Variants in STARD9 observed in about 807,000 individuals in gnomAD.
STARD9 encodes the protein stAR-related lipid transfer protein 9.
In STARD9, 346 loss-of-function variants were observed where a neutral mutation model predicts 399.8. That is an observed-to-expected ratio of 0.87 (90% CI 0.79 to 0.95). The LOEUF (loss-of-function observed/expected upper bound fraction) is 0.95, where lower values mean the gene tolerates loss of function less well. STARD9 is among the 40% of genes least tolerant of loss of function. STARD9 has a pLI of 0.00. For missense variants in STARD9, 5,832 were observed against 5,667.5 expected (o/e 1.03, Z -0.93); for synonymous variants, 2,203 against 2,143.5 (o/e 1.03, Z -0.77).
intron 19 of STARD9, 49 bp from the exon 20 acceptor site, chr15:42,675,823 A>G: frequency 6.5e-7 from 1 of 1,533,860 alleles, no homozygotes; most frequent in African/African-American, 1.4e-5. Context: ...AAGCTGGGAG[A>G]GGTGGAGGCG....
chr15:42,652,070 C>A (rs2059771717), intron 8 of STARD9, among the ~76,000 whole-genome samples: 1 of 152,140 alleles, frequency 6.6e-6, no homozygotes, highest in Non-Finnish European at 1.5e-5. Flanking sequence ...TGTGTTTAAT[C>A]AAAACTTACC....
chr15:42,686,000 T>C lies in STARD9; in HGVS notation c.4422T>C (p.Thr1474=). 1 of 1,537,256 alleles carries C rather than the reference T, an allele frequency of 6.5e-7. No homozygotes were observed. The highest frequency in any genetic ancestry group is 2.0e-5 in the Admixed American group (1 of 50,996). Residue 1474 remains threonine, a synonymous_variant, in exon 23 of 33, where the codon ACT becomes ACC. Transcript: ENST00000290607. The part of the protein sequence containing the change: ...NVLAASATTL[T]HVGSTHERDW... ...TGGCTGCCTCTGCCACCACCTTGAC[T>C]CATGTAGGCAGCACCCATGAAAGGG...
chr15:42,585,649 T>A lies in STARD9; in HGVS notation c.234+12T>A, dbSNP rs1227175295. The A allele has an allele frequency of 6.8e-7, 1 of 1,473,742 alleles. No individual in the cohort carries two copies. The highest frequency in any genetic ancestry group is 9.2e-7 in the Non-Finnish European group (1 of 1,091,066). The allele number at this position is 1,473,742 out of a possible 1,614,324, so 91.3% of individuals were successfully genotyped here. A position where few individuals can be genotyped will look rare whatever the true frequency, so the allele number is the denominator to read the frequency against. On this transcript the variant is annotated intron_variant, in intron 3 of 32. Coordinates refer to ENST00000290607, the MANE Select transcript of STARD9 (RefSeq NM_020759.3). ...CATCTCAAGATGTGGTAATATCATT[T>A]ATCATTTTTCTTTCACCTCAGTTCT... is the stretch of plus-strand genomic sequence containing the variant.
intron 26 of STARD9, among the ~76,000 whole-genome samples, chr15:42,701,145 TG>T (rs1464088558): frequency 1.3e-5 from 2 of 152,222 alleles, no homozygotes; most frequent in African/African-American, 2.4e-5. Flanking sequence ...CATGCTGTTT[TG>T]ATTACTATAG....
At chr15:42,717,171 G>C (rs1052504448) in intron 28 of STARD9, 123 bp downstream of exon 28, 1 of 1,081,930 alleles carries the variant, frequency 9.2e-7, no homozygotes, top group Non-Finnish European at 1.3e-6. Context: ...GGCATCTTCA[G>C]TGGTTCTTCA....
chr15:42,689,024 C>G lies in STARD9; in HGVS notation c.7446C>G (p.Val2482=), dbSNP rs199847317. The G allele has an allele frequency of 5.2e-6, 8 of 1,537,216 alleles. No homozygotes were observed. The highest frequency in any genetic ancestry group is 1.4e-5 in the African/African-American group (1 of 73,052). ...KEIRVSSLNK[V]SSQPEKRVSF... is the part of the protein sequence containing the mutation. Reference sequence around the variant, plus strand: ...TAAGAGTCAGTTCACTGAACAAGGTCTCTAGCCAGCCTGAAAAGAGGGTCA... The same window carrying G: ...TAAGAGTCAGTTCACTGAACAAGGTGTCTAGCCAGCCTGAAAAGAGGGTCA... Residue 2482 remains valine (V), a synonymous_variant, in exon 23 of 33, where the codon GTC becomes GTG. Transcript: ENST00000290607.
Position 42,665,816 on chromosome 15 carries a change from C to T in STARD9, c.1285C>T (p.Leu429=). The change falls in exon 15 of 33, where the codon CTG becomes TTG. Residue 429 remains leucine (L), a synonymous_variant. Transcript: ENST00000290607. ...RNFSSLSDEN[L]KELVLQNELK... ...CTTCAGTTCATTGAGTGATGAAAACCTGAAGGAGCTGGTTCTCCAAAATGA... is the reference window on the plus strand; with the variant it reads ...CTTCAGTTCATTGAGTGATGAAAACTTGAAGGAGCTGGTTCTCCAAAATGA... 5 of 1,537,176 alleles carry T rather than the reference C, an allele frequency of 3.3e-6. No homozygotes were observed. The highest frequency in any genetic ancestry group is 4.4e-6 in the Non-Finnish European group (5 of 1,146,864).
intron 15 of STARD9, among the ~76,000 whole-genome samples, 178 bp downstream of exon 15, chr15:42,666,026 T>C (rs1282381352): frequency 1.3e-5 from 2 of 152,264 alleles, no homozygotes; most frequent in Non-Finnish European, 2.9e-5. Context: ...GGACTGTTAA[T>C]GGCTTTCTGA....
At position 42,692,183 on chromosome 15, in the gene STARD9, T is replaced by C. The variant is rs1038945139; in HGVS notation, c.10605T>C (p.Ile3535=). The C allele has an allele frequency of 1.3e-6, 2 of 1,537,016 alleles. No individual in the cohort carries two copies. Among genetic ancestry groups the C allele is most frequent in the Admixed American group, 3.9e-5 (2 of 50,978 alleles). ...CCCACCTCAGCACTTACGCCAATAT[T>C]TGTGATCTGTCAACCACACACAGCA... ...FHSHLSTYAN[I]CDLSTTHSST... Residue 3535 remains isoleucine (I), a synonymous_variant, in exon 23 of 33, where the codon ATT becomes ATC. Coordinates refer to ENST00000290607, the MANE Select transcript of STARD9 (RefSeq NM_020759.3).
chr15:42,660,293 A>G (rs1194941231), intron 9 of STARD9, among the ~76,000 whole-genome samples: 5 of 152,124 alleles, frequency 3.3e-5, no homozygotes, highest in Non-Finnish European at 5.9e-5. Context: ...TGGTCGGTGC[A>G]GTGGCTCATG....
intron 3 of STARD9, among the ~76,000 whole-genome samples, chr15:42,620,771 TGGAGACAG>T (rs1248083289): frequency 1.3e-5 from 2 of 151,910 alleles, no homozygotes; most frequent in African/African-American, 4.8e-5. Flanking sequence ...TATTTTATTT[TGGAGACAG>T]AGTTTCCCTG....
chr15:42,661,996 A>T (rs2060002601), intron 10 of STARD9, among the ~76,000 whole-genome samples: 1 of 151,248 alleles, frequency 6.6e-6, no homozygotes. Flanking sequence ...TTCTTTACTT[A>T]AAAAAAAAGT....
At chr15:42,655,030 C>T (rs1272544849) in intron 9 of STARD9, among the ~76,000 whole-genome samples, 1 of 152,146 alleles carries the variant, frequency 6.6e-6, no homozygotes, top group Non-Finnish European at 1.5e-5. Flanking sequence ...GCCTGTAATC[C>T]CAGCACTTTG....
At position 42,681,506 on chromosome 15, in the gene STARD9, G is replaced by C; in HGVS notation, c.1959G>C (p.Gln653His). ...CCCACAGGGCCCAGATTCAGCAGCA[G>C]CAGAGCTACGTAGAGGATTTGAGGC... ...ETSHRAQIQQQQSYVEDLRHQ... is the reference protein window; with the variant it reads ...ETSHRAQIQQHQSYVEDLRHQ... Residue 653 changes from glutamine (Q) to histidine (H), a missense_variant, in exon 21 of 33, where the codon CAG becomes CAC. Physicochemically the swap from Gln to His is conservative, Grantham distance 24. Coordinates refer to ENST00000290607, the MANE Select transcript of STARD9 (RefSeq NM_020759.3). 6.5e-7 allele frequency: 1 copy of C among 1,537,238 alleles called. No homozygotes were observed.
Position 42,712,073 on chromosome 15 carries a change from T to TATAATATA in STARD9, c.13285-4601_13285-4600insATATAATA, listed in dbSNP as rs2061235453. On this transcript the variant is annotated intron_variant, in intron 26 of 32. Transcript: ENST00000290607. ...GGTGTTGAGCATCTTTTTATATATATATATATATTATATATATATATATAA... is the reference window on the plus strand; with the variant it reads ...GGTGTTGAGCATCTTTTTATATATATATAATATAATATATATTATATATATATATATAA... 6.6e-4 allele frequency among the ~76,000 whole-genome samples: 2 copies of TATAATATA among 3,042 alleles called. 1 individual carries two copies. Among genetic ancestry groups the TATAATATA allele is most frequent in the Non-Finnish European group, 1.1e-3 (2 of 1,810 alleles). 2.0% of individuals were successfully genotyped at this position (3,042 alleles called of 152,430 possible).
At chr15:42,706,095 G>C (rs1423290204) in intron 26 of STARD9, among the ~76,000 whole-genome samples, 2 of 152,112 alleles carry the variant, frequency 1.3e-5, no homozygotes, top group African/African-American at 4.8e-5. Flanking sequence ...ACCTTGTCTA[G>C]TTCAATTGCA....
chr15:42,575,876 CG>C, intron 1 of STARD9, 114 bp downstream of exon 1: 10 of 1,161,116 alleles, frequency 8.6e-6, no homozygotes, highest in East Asian at 2.6e-5. Flanking sequence ...CAAAGTGACC[CG>C]GGGGGTCGGG....
Position 42,682,240 on chromosome 15 carries a change from G to T in STARD9, c.2202G>T (p.Gln734His). 6.5e-7 allele frequency: 1 copy of T among 1,537,266 alleles called. No homozygotes were observed. The highest frequency in any genetic ancestry group is 8.7e-7 in the Non-Finnish European group (1 of 1,146,910). ...GGCTTCAGACAGATCCTGAGATTCA[G>T]CCATCCCCATTTGTCCAAAGTCAGA... ...DAWLQTDPEI[Q>H]PSPFVQSQKR... The change falls in exon 22 of 33, where the codon CAG becomes CAT. Residue 734 changes from glutamine (Q) to histidine (H), a missense_variant. This residue lies in a region of STARD9 where 5,828 missense variants were observed against 5,651.1 expected (regional missense o/e 1.03). Coordinates refer to ENST00000290607, the MANE Select transcript of STARD9 (RefSeq NM_020759.3).
At chr15:42,589,194 CT>C (rs966494624) in intron 3 of STARD9, among the ~76,000 whole-genome samples, 3 of 151,876 alleles carry the variant, frequency 2.0e-5, no homozygotes, top group Non-Finnish European at 2.9e-5. Context: ...AAAGATTTAC[CT>C]TTTTTTCTTT....
Sources: allele counts gnomAD v4.1 joint callset (sites outside exome capture counted in the v4.1 genomes callset), GRCh38; gene constraint gnomAD v4.1.1; regional missense constraint gnomAD v4.1.1; transcripts MANE v1.5; gene names NCBI Gene and HGNC (gene_info 2026-07-23, HGNC 2026-07-21).